RPS6KA5: variants seen among roughly 807,000 people sequenced by gnomAD.
The protein encoded by RPS6KA5 is ribosomal protein S6 kinase alpha-5.
A neutral mutation model predicts 85.5 loss-of-function variants in RPS6KA5; 27 were observed. That is an observed-to-expected ratio of 0.32 (90% confidence interval 0.23 to 0.44). The LOEUF (loss-of-function observed/expected upper bound fraction) is 0.44. Among genes scored for constraint, RPS6KA5 ranks in the 20% least tolerant of loss-of-function variants. The pLI is 1.00. For missense variants in RPS6KA5, 811 were observed against 980.9 expected, an observed-to-expected ratio of 0.83 and a Z score of 2.31; for synonymous variants, 334 against 348.2, an observed-to-expected ratio of 0.96 and a Z score of 0.46.
At position 90,855,887 on chromosome 14, in the gene RPS6KA5, G is replaced by C. The variant is rs769974901; in HGVS notation, c.*16187C>G. On this transcript the variant is annotated 3_prime_UTR_variant, in exon 17 of 17. Transcript: ENST00000614987. The stretch of plus-strand genomic sequence containing the variant: ...CTCCCAAAGTGCTGGGATTACAGGC[G>C]TGAGTAGAGACAGCGTTTCGCCATG... The C allele has an allele frequency of 6.6e-6, 1 of 152,316 alleles. No homozygotes were observed. The highest frequency in any genetic ancestry group is 1.5e-5 in the Non-Finnish European group (1 of 68,194). 9.4% of individuals were successfully genotyped at this position (152,316 alleles called of 1,614,324 possible).
At chr14:90,889,717 G>A (rs2034446501) in intron 14 of RPS6KA5, among the ~76,000 whole-genome samples, 4 of 152,088 alleles carry the variant, frequency 2.6e-5, no homozygotes, top group Admixed American at 2.0e-4. Context: ...AATCTTATTT[G>A]TTAAAAAATT....
At chr14:90,886,994 T>C (rs1305961491) in intron 14 of RPS6KA5, among the ~76,000 whole-genome samples, 4 of 152,224 alleles carry the variant, frequency 2.6e-5, no homozygotes. Context: ...CTTCCATTTA[T>C]TTCTGAAACA....
At chr14:90,980,570 C>T (rs897393778) in intron 2 of RPS6KA5, among the ~76,000 whole-genome samples, 4 of 152,170 alleles carry the variant, frequency 2.6e-5, no homozygotes, top group African/African-American at 4.8e-5. Flanking sequence ...TTACAACATT[C>T]CTATAAGGAG....
At chr14:90,997,258 T>C (rs79437043) in intron 2 of RPS6KA5, among the ~76,000 whole-genome samples, 2,752 of 152,328 alleles carry the variant, frequency 0.018, 65 homozygotes, top group African/African-American at 0.064. Flanking sequence ...AGAGAATTTA[T>C]AGAACCTTGT....
chr14:91,034,511 C>T (rs1447156485), intron 1 of RPS6KA5, among the ~76,000 whole-genome samples: 4 of 151,768 alleles, frequency 2.6e-5, no homozygotes, highest in African/African-American at 9.7e-5. Flanking sequence ...CACCAATCAG[C>T]GCTCTGTGTC....
intron 2 of RPS6KA5, among the ~76,000 whole-genome samples, chr14:90,981,320 T>C (rs970953010): frequency 5.9e-5 from 9 of 152,238 alleles, no homozygotes; most frequent in Non-Finnish European, 1.0e-4. Flanking sequence ...GTAATCTCCA[T>C]ACTCTTTCCT....
intron 1 of RPS6KA5, among the ~76,000 whole-genome samples, chr14:91,033,917 A>G (rs1281255101): frequency 1.3e-5 from 2 of 152,356 alleles, no homozygotes; most frequent in African/African-American, 4.8e-5. Context: ...CTTCATACAC[A>G]TAAGTTTAAA....
At chr14:91,058,982 G>GTAC (rs2043462433) in intron 1 of RPS6KA5, among the ~76,000 whole-genome samples, 1 of 152,206 alleles carries the variant, frequency 6.6e-6, no homozygotes, top group Non-Finnish European at 1.5e-5. Context: ...GAAACAAGAT[G>GTAC]TACTAGTGGA....
chr14:90,875,030 C>G (rs148775449), intron 15 of RPS6KA5, among the ~76,000 whole-genome samples, 171 bp downstream of exon 15: 1 of 152,090 alleles, frequency 6.6e-6, no homozygotes, highest in Non-Finnish European at 1.5e-5. Flanking sequence ...GATACCATTA[C>G]TAAAGAGAAT....
At position 90,904,737 on chromosome 14, in the gene RPS6KA5, C is replaced by A. The variant is rs1345265520; in HGVS notation, c.957+1412G>T. Among the ~76,000 whole-genome samples, 3 of 152,206 alleles carry A rather than the reference C, an allele frequency of 2.0e-5. No individual in the cohort carries two copies. The East Asian group carries it at 5.8e-4, about 29-fold the overall frequency. On this transcript the variant is annotated intron_variant, in intron 8 of 16. Transcript: ENST00000614987. ...TTTATAGAGAAAAAGGCCATTTAGG[C>A]CTTTACAAGTAGAATTCTGGTCTTT...
chr14:90,878,805 A>G (rs1048312954), intron 14 of RPS6KA5, among the ~76,000 whole-genome samples: 1 of 152,206 alleles, frequency 6.6e-6, no homozygotes, highest in Admixed American at 6.5e-5. Flanking sequence ...GCACTGGAGA[A>G]TACTGCTCTA....
At chr14:91,023,977 A>C (rs2139807352) in intron 1 of RPS6KA5, among the ~76,000 whole-genome samples, 1 of 152,280 alleles carries the variant, frequency 6.6e-6, no homozygotes, top group Non-Finnish European at 1.5e-5. Context: ...TATTCTCAGA[A>C]TTACATTTGC....
chr14:90,997,742 G>A (rs1249281865), intron 2 of RPS6KA5, among the ~76,000 whole-genome samples: 1 of 152,140 alleles, frequency 6.6e-6, no homozygotes, highest in Admixed American at 6.5e-5. Context: ...CAGGCAGGGT[G>A]GCTCACGCCT....
At chr14:91,041,261 T>C (rs995025887) in intron 1 of RPS6KA5, among the ~76,000 whole-genome samples, 6 of 152,220 alleles carry the variant, frequency 3.9e-5, no homozygotes, top group African/African-American at 1.4e-4. Context: ...CTAGGAAATA[T>C]GTATTTAGTC....
intron 1 of RPS6KA5, among the ~76,000 whole-genome samples, chr14:91,044,854 G>A (rs2139913163): frequency 6.8e-6 from 1 of 146,664 alleles, no homozygotes; most frequent in African/African-American, 2.5e-5. Context: ...CTGGGCAACA[G>A]AGCGAGACGT....
chr14:90,868,113 A>T lies in RPS6KA5; in HGVS notation c.*3961T>A, dbSNP rs1367206257. The stretch of plus-strand genomic sequence containing the variant: ...AAATATTTTCTCTAAAGAATGTCAC[A>T]ATTTGGAGTGAAGTTACTTAACAAA... On this transcript the variant is annotated 3_prime_UTR_variant, in exon 17 of 17. Transcript: ENST00000614987. 2 of 152,212 alleles carry T rather than the reference A, an allele frequency of 1.3e-5. No homozygotes were observed. The highest frequency in any genetic ancestry group is 6.6e-5 in the Admixed American group (1 of 15,266). 9.4% of individuals were successfully genotyped at this position (152,212 alleles called of 1,614,324 possible).
At chr14:90,917,683 T>C (rs1241478246) in intron 7 of RPS6KA5, among the ~76,000 whole-genome samples, 2 of 152,142 alleles carry the variant, frequency 1.3e-5, no homozygotes, top group Non-Finnish European at 2.9e-5. Context: ...TTTCACTTGG[T>C]GTAATTATTT....
At chr14:91,045,107 A>G (rs1195242291) in intron 1 of RPS6KA5, among the ~76,000 whole-genome samples, 1 of 152,184 alleles carries the variant, frequency 6.6e-6, no homozygotes, top group Non-Finnish European at 1.5e-5. Flanking sequence ...CTGAGAGCTA[A>G]TAAATGGATG....
chr14:90,923,377 A>G, intron 5 of RPS6KA5, 181 bp from the exon 6 acceptor site: 3 of 563,692 alleles, frequency 5.3e-6, no homozygotes, highest in East Asian at 2.9e-5. Context: ...AGTCCTGGGT[A>G]TATGTCATCC....
Sources: gnomAD v4.1 joint callset for allele counts (sites outside exome capture counted in the v4.1 genomes callset) on GRCh38, gnomAD v4.1.1 for gene constraint, MANE v1.5 for transcripts, NCBI Gene and HGNC (gene_info 2026-07-23, HGNC 2026-07-21) for gene names.